KCNB2: variants seen among roughly 807,000 people sequenced by gnomAD.
KCNB2 encodes the protein delayed rectifier potassium channel protein.
In KCNB2, 15 loss-of-function variants were observed where a neutral mutation model predicts 61.5. That is an observed-to-expected ratio of 0.24 (90% CI 0.16 to 0.38). The LOEUF (loss-of-function observed/expected upper bound fraction) is 0.38. Among genes scored for constraint, KCNB2 ranks in the 10% least tolerant of loss-of-function variants. The pLI is 1.00. For missense variants in KCNB2, 828 were observed against 1,125.2 expected (o/e 0.74, Z 3.78); for synonymous variants, 457 against 446.0 (o/e 1.02, Z -0.31).
At chr8:72,615,665 A>G (rs1805608748) in intron 2 of KCNB2, among the ~76,000 whole-genome samples, 1 of 152,328 alleles carries the variant, frequency 6.6e-6, no homozygotes, top group East Asian at 1.9e-4. Context: ...AGAGCGAATA[A>G]TGTGGAAAAT....
chr8:72,801,005 G>A (rs1360240355), intron 2 of KCNB2, among the ~76,000 whole-genome samples: 1 of 152,160 alleles, frequency 6.6e-6, no homozygotes, highest in Non-Finnish European at 1.5e-5. Context: ...TCTGTTTCCT[G>A]TATGAGATGG....
Position 72,921,652 on chromosome 8 carries a change from G to A in KCNB2, c.580-14283G>A, listed in dbSNP as rs558849696. The stretch of plus-strand genomic sequence containing the variant: ...AACTGTTTTAATATGTTATTTTGTA[G>A]TATTTCCTTATTTATATTTCTCCCG... On this transcript the variant is annotated intron_variant, in intron 2 of 2. Transcript: ENST00000523207. 8.5e-5 allele frequency among the ~76,000 whole-genome samples: 13 copies of A among 152,200 alleles called. No individual in the cohort carries two copies. The South Asian group carries it at 1.9e-3, about 22-fold the overall frequency.
At chr8:72,757,422 C>T (rs1435812102) in intron 2 of KCNB2, among the ~76,000 whole-genome samples, 2 of 151,880 alleles carry the variant, frequency 1.3e-5, no homozygotes, top group Non-Finnish European at 2.9e-5. Flanking sequence ...CTCAGTGGTA[C>T]CTGGAGGAAA....
At chr8:72,747,479 T>C (rs1262940753) in intron 2 of KCNB2, among the ~76,000 whole-genome samples, 1 of 152,136 alleles carries the variant, frequency 6.6e-6, no homozygotes, top group Non-Finnish European at 1.5e-5. Context: ...AGGCATTCCC[T>C]CCAGGGTCAG....
chr8:72,848,415 C>CAATTTATTATTTGTAAAGAATAATAATA (rs532680531), intron 2 of KCNB2, among the ~76,000 whole-genome samples: 29 of 151,978 alleles, frequency 1.9e-4, no homozygotes, highest in African/African-American at 6.3e-4. Flanking sequence ...TGTTTTGTTT[C>CAATTTATTATTTGTAAAGAATAATAATA]AATTTATTAT....
intron 2 of KCNB2, among the ~76,000 whole-genome samples, chr8:72,618,498 A>T (rs966957059): frequency 6.6e-6 from 1 of 152,164 alleles, no homozygotes; most frequent in Non-Finnish European, 1.5e-5. Flanking sequence ...AATTTTAGTT[A>T]CTCATTTTTT....
At chr8:72,727,419 C>T (rs755817833) in intron 2 of KCNB2, among the ~76,000 whole-genome samples, 3 of 152,064 alleles carry the variant, frequency 2.0e-5, no homozygotes, top group Non-Finnish European at 4.4e-5. Flanking sequence ...TCTTTTTTGT[C>T]GTACAGCTCA....
intron 2 of KCNB2, among the ~76,000 whole-genome samples, chr8:72,856,826 T>A (rs1810215593): frequency 6.6e-6 from 1 of 152,198 alleles, no homozygotes; most frequent in South Asian, 2.1e-4. Context: ...CTAGGAACAT[T>A]TCTCCTCTTG....
chr8:72,617,191 C>G (rs1413678834), intron 2 of KCNB2, among the ~76,000 whole-genome samples: 1 of 152,172 alleles, frequency 6.6e-6, no homozygotes, highest in Non-Finnish European at 1.5e-5. Context: ...ATCCTTATGT[C>G]ACCTTCTGCC....
At chr8:72,594,924 T>A (rs1196185818) in intron 2 of KCNB2, among the ~76,000 whole-genome samples, 1 of 152,146 alleles carries the variant, frequency 6.6e-6, no homozygotes. Context: ...AAGGTGATGG[T>A]TAAAAAACAC....
At chr8:72,747,249 A>T (rs1419503299) in intron 2 of KCNB2, among the ~76,000 whole-genome samples, 1 of 152,168 alleles carries the variant, frequency 6.6e-6, no homozygotes, top group Non-Finnish European at 1.5e-5. Context: ...CAGGTTTAGT[A>T]CTGGCTAGTT....
In KCNB2 at chr8:72,938,149, A is replaced by C; in HGVS notation, c.*58A>C. ...AAAACAAAACAAAACTTGTTTCTTA[A>C]AAATGCGGTTAATAATGCCTGTGAA... On this transcript the variant is annotated 3_prime_UTR_variant, in exon 3 of 3. Transcript: ENST00000523207. 1 of 1,408,838 alleles carries C rather than the reference A, an allele frequency of 7.1e-7. No individual in the cohort carries two copies. The highest frequency in any genetic ancestry group is 9.7e-7 in the Non-Finnish European group (1 of 1,031,294). 87.3% of individuals were successfully genotyped at this position (1,408,838 alleles called of 1,614,324 possible).
intron 2 of KCNB2, among the ~76,000 whole-genome samples, chr8:72,866,413 G>C (rs1805519895): frequency 6.6e-6 from 1 of 152,214 alleles, no homozygotes; most frequent in Non-Finnish European, 1.5e-5. Flanking sequence ...AAGTGTGTTT[G>C]CACAGATTTA....
At chr8:72,722,841 G>A (rs1807573923) in intron 2 of KCNB2, among the ~76,000 whole-genome samples, 1 of 152,116 alleles carries the variant, frequency 6.6e-6, no homozygotes. Context: ...TTCAACAAAA[G>A]TATTTAGTGC....
At position 72,933,194 on chromosome 8, in the gene KCNB2, G is replaced by A. The variant is rs374722419; in HGVS notation, c.580-2741G>A. Among the ~76,000 whole-genome samples, 7 of 152,300 alleles carry A rather than the reference G, an allele frequency of 4.6e-5. No individual in the cohort carries two copies. The East Asian group carries it at 1.2e-3, about 25-fold the overall frequency. ...ATATGCTAAATTTCCAAGTGTTAAA[G>A]TGGTCATATTTGTTAAGCTGTGGTC... is the stretch of plus-strand genomic sequence containing the variant. On this transcript the variant is annotated intron_variant, in intron 2 of 2. Transcript: ENST00000523207.
intron 2 of KCNB2, among the ~76,000 whole-genome samples, chr8:72,601,276 AT>A (rs1302051311): frequency 6.6e-6 from 1 of 152,224 alleles, no homozygotes; most frequent in East Asian, 1.9e-4. Context: ...AATAATAAGC[AT>A]TTTTTTCACG....
At chr8:72,765,198 G>A (rs1452151663) in intron 2 of KCNB2, among the ~76,000 whole-genome samples, 2 of 152,142 alleles carry the variant, frequency 1.3e-5, no homozygotes, top group African/African-American at 4.8e-5. Flanking sequence ...CAATTAGGAT[G>A]GACTCTCACC....
chr8:72,568,158 C>A lies in KCNB2; in HGVS notation c.424C>A (p.His142Asn). 1 of 1,613,934 alleles carries A rather than the reference C, an allele frequency of 6.2e-7. No homozygotes were observed. Among genetic ancestry groups the A allele is most frequent in the Non-Finnish European group, 8.5e-7 (1 of 1,179,992 alleles). Residue 142 changes from histidine (H) to asparagine (N), a missense_variant, in exon 2 of 3, where the codon CAT becomes AAT. His to Asn is a moderately conservative substitution (Grantham distance 68, BLOSUM62 1). Transcript: ENST00000523207. ...GGAGTCCTGCTGCCAGGCCAGATAT[C>A]ATCAAAAAAAAGAACAAATGAACGA... ...YLESCCQARY[H>N]QKKEQMNEEL...
At chr8:72,796,015 C>T (rs558990460) in intron 2 of KCNB2, among the ~76,000 whole-genome samples, 61 of 152,222 alleles carry the variant, frequency 4.0e-4, no homozygotes, top group African/African-American at 1.3e-3. Flanking sequence ...TGGTGTGTAA[C>T]GCCCAGAAAA....
Sources: gnomAD v4.1 joint callset for allele counts (sites outside exome capture counted in the v4.1 genomes callset) on GRCh38, gnomAD v4.1.1 for gene constraint, MANE v1.5 for transcripts, NCBI Gene and HGNC (gene_info 2026-07-23, HGNC 2026-07-21) for gene names.